Variants in PALS2 observed in about 807,000 individuals in gnomAD.
PALS2 encodes the protein protein PALS2.
Under a neutral mutation model 61.6 loss-of-function variants are expected in PALS2, and 27 were observed. That is an observed-to-expected ratio of 0.44 (90% CI 0.32 to 0.60). The LOEUF is 0.60. Among genes scored for constraint, PALS2 ranks in the 20% least tolerant of loss-of-function variants. The pLI is 0.05. For missense variants in PALS2, 554 were observed against 639.4 expected, an observed-to-expected ratio of 0.87 and a Z score of 1.44; for synonymous variants, 236 against 218.6, an observed-to-expected ratio of 1.08 and a Z score of -0.70.
chr7:24,576,618 T>C (rs1253786812), intron 1 of PALS2, among the ~76,000 whole-genome samples: 1 of 152,230 alleles, frequency 6.6e-6, no homozygotes, highest in Non-Finnish European at 1.5e-5. Context: ...CTGAATACAT[T>C]ATAGCTTTCA....
intron 1 of PALS2, among the ~76,000 whole-genome samples, chr7:24,622,712 T>C (rs1345404722): frequency 6.7e-6 from 1 of 150,228 alleles, no homozygotes; most frequent in African/African-American, 2.4e-5. Flanking sequence ...AACAGCCCTG[T>C]CTAGAACCTC....
At chr7:24,610,390 A>AT (rs1784071978) in intron 1 of PALS2, among the ~76,000 whole-genome samples, 1 of 152,092 alleles carries the variant, frequency 6.6e-6, no homozygotes, top group South Asian at 2.1e-4. Context: ...ACTCTAATAA[A>AT]TTTGAGTTTT....
intron 1 of PALS2, among the ~76,000 whole-genome samples, chr7:24,582,982 C>G (rs1362420573): frequency 6.3e-5 from 9 of 143,470 alleles, no homozygotes; most frequent in Non-Finnish European, 1.3e-4. Flanking sequence ...GCAACCTCTG[C>G]CTCCCGGATT....
chr7:24,610,714 TTTTC>T (rs1404735488), intron 1 of PALS2, among the ~76,000 whole-genome samples: 2 of 152,166 alleles, frequency 1.3e-5, no homozygotes, highest in Non-Finnish European at 2.9e-5. Context: ...GTCAGTTCTT[TTTTC>T]TTTATCATCT....
Position 24,648,896 on chromosome 7 carries a change from C to G in PALS2, c.271-716C>G, listed in dbSNP as rs1373416068. On this transcript the variant is annotated intron_variant, in intron 3 of 11. Coordinates refer to ENST00000222644, the MANE Select transcript of PALS2 (RefSeq NM_001303037.2). ...CTCCAGCCTAGGTGACAGAGTGAGA[C>G]TCTGTCTCAAAAAAGAAAAAAAAAA... Among the ~76,000 whole-genome samples, 3 of 144,360 alleles carry G rather than the reference C, an allele frequency of 2.1e-5. No individual in the cohort carries two copies. In the East Asian group the frequency reaches 6.4e-4, roughly 31 times the overall value. The allele number at this position is 144,360 out of a possible 152,430, so 94.7% of individuals were successfully genotyped here.
At chr7:24,621,358 T>C (rs1181156746) in intron 1 of PALS2, among the ~76,000 whole-genome samples, 1 of 152,088 alleles carries the variant, frequency 6.6e-6, no homozygotes, top group African/African-American at 2.4e-5. Flanking sequence ...GATAGAGTAT[T>C]AGAAAAATAT....
chr7:24,606,318 A>T (rs1783897440), intron 1 of PALS2, among the ~76,000 whole-genome samples: 2 of 152,172 alleles, frequency 1.3e-5, no homozygotes, highest in African/African-American at 4.8e-5. Context: ...AGACTCCAAG[A>T]CACTGTGGCA....
chr7:24,581,304 A>G (rs1782836169), intron 1 of PALS2, among the ~76,000 whole-genome samples: 1 of 150,050 alleles, frequency 6.7e-6, no homozygotes, highest in Non-Finnish European at 1.5e-5. Context: ...AGAGAAAGGG[A>G]AATCTCCCTC....
chr7:24,607,523 ATG>A lies in PALS2; in HGVS notation c.-2-16135_-2-16134del, dbSNP rs527858881. Among the ~76,000 whole-genome samples, 12 of 151,442 alleles carry A rather than the reference ATG, an allele frequency of 7.9e-5. 1 individual carries two copies. In the South Asian group the frequency reaches 1.2e-3, roughly 16 times the overall value. On this transcript the variant is annotated intron_variant, in intron 1 of 11. Transcript: ENST00000222644. ...TATATGTGTATATATATGTGTATAT[ATG>A]TGTGTGTATATATACACGTGTATAT... is the stretch of plus-strand genomic sequence containing the variant.
intron 1 of PALS2, among the ~76,000 whole-genome samples, chr7:24,599,059 G>T (rs1353916586): frequency 6.6e-6 from 1 of 152,098 alleles, no homozygotes; most frequent in Non-Finnish European, 1.5e-5. Context: ...CTTAACAAAG[G>T]GGATACATTC....
chr7:24,684,757 C>T (rs1363500891), intron 11 of PALS2, among the ~76,000 whole-genome samples: 1 of 151,998 alleles, frequency 6.6e-6, no homozygotes, highest in Non-Finnish European at 1.5e-5. Flanking sequence ...TTATATTTGC[C>T]TTTTTTTCCT....
rs1788591219 is a variant in PALS2, at chr7:24,693,952, T to C, written c.*6338T>C. 6.6e-6 allele frequency: 1 copy of C among 152,020 alleles called. No individual in the cohort carries two copies. The allele number at this position is 152,020 out of a possible 1,614,324, so 9.4% of individuals were successfully genotyped here. A position where few individuals can be genotyped will look rare whatever the true frequency, so the allele number is the denominator to read the frequency against. ...GTCTTTTATTTGAACACAAGACGCATGCTTTTTTAAACCTCTAGTTTTTGA... is the reference window on the plus strand; with the variant it reads ...GTCTTTTATTTGAACACAAGACGCACGCTTTTTTAAACCTCTAGTTTTTGA... On this transcript the variant is annotated 3_prime_UTR_variant, in exon 12 of 12. Transcript: ENST00000222644.
intron 2 of PALS2, among the ~76,000 whole-genome samples, chr7:24,639,182 A>T (rs1785387879): frequency 6.6e-6 from 1 of 152,224 alleles, no homozygotes; most frequent in Non-Finnish European, 1.5e-5. Context: ...AGAATAATGC[A>T]TCATTTATTG....
At chr7:24,623,635 G>C in intron 1 of PALS2, 31 bp from the exon 2 acceptor site, 1 of 1,347,930 alleles carries the variant, frequency 7.4e-7, no homozygotes, top group East Asian at 2.4e-5. Flanking sequence ...TTGTTTGTTT[G>C]TTTGTTTTTA....
intron 9 of PALS2, among the ~76,000 whole-genome samples, chr7:24,673,870 G>C (rs1237994153): frequency 1.3e-5 from 2 of 151,758 alleles, no homozygotes; most frequent in Non-Finnish European, 2.9e-5. Flanking sequence ...TTAGATTATT[G>C]ATTTGAGATC....
chr7:24,652,284 G>A (rs1786194503), intron 5 of PALS2, among the ~76,000 whole-genome samples: 2 of 152,092 alleles, frequency 1.3e-5, no homozygotes, highest in Non-Finnish European at 2.9e-5. Flanking sequence ...GACTTTTACA[G>A]GCAAAATAAA....
intron 1 of PALS2, among the ~76,000 whole-genome samples, chr7:24,617,119 G>C (rs1259514208): frequency 6.6e-6 from 1 of 151,962 alleles, no homozygotes; most frequent in African/African-American, 2.4e-5. Flanking sequence ...TATTTCAGAA[G>C]ACCTGTCCTA....
chr7:24,644,508 G>GTGTA (rs1554306678), intron 3 of PALS2, among the ~76,000 whole-genome samples: 2 of 150,400 alleles, frequency 1.3e-5, no homozygotes, highest in African/African-American at 2.4e-5. Flanking sequence ...GTGTGTGTGT[G>GTGTA]TATATATATA....
In PALS2 at chr7:24,618,890, T is replaced by C. The variant is rs1357851935; in HGVS notation, c.-2-4776T>C. Among the ~76,000 whole-genome samples the C allele has an allele frequency of 6.6e-6, 1 of 152,246 alleles. No individual in the cohort carries two copies. Among genetic ancestry groups the C allele is most frequent in the East Asian group, 1.9e-4 (1 of 5,198 alleles). On this transcript the variant is annotated intron_variant, in intron 1 of 11. Coordinates refer to ENST00000222644, the MANE Select transcript of PALS2 (RefSeq NM_001303037.2). This position sits in a 1 kb window ranked among gnomAD's most constrained non-coding sequence, Gnocchi z 5.1. ...GCTGTTTATTTATTGCCGTGGTCCT[T>C]TCTTGAAGCGGAGGAATGTGCACCA... is the stretch of plus-strand genomic sequence containing the variant.
Sources: gnomAD v4.1 joint callset for allele counts (sites outside exome capture counted in the v4.1 genomes callset) on GRCh38, gnomAD v4.1.1 for gene constraint, Gnocchi (gnomAD v3.1) non-coding constraint, MANE v1.5 for transcripts, NCBI Gene and HGNC (gene_info 2026-07-23, HGNC 2026-07-21) for gene names.